Variants in DGKB observed in about 807,000 individuals in gnomAD.
DGKB encodes 90 kDa diacylglycerol kinase.
Under a neutral mutation model 114.3 loss-of-function variants are expected in DGKB, and 67 were observed. The observed-to-expected ratio is 0.59, with a 90% confidence interval of 0.48 to 0.72. The LOEUF is 0.72. Among genes scored for constraint, DGKB ranks in the 30% least tolerant of loss-of-function variants. DGKB has a pLI of 0.00. For synonymous variants in DGKB, 398 were observed against 323.1 expected (o/e 1.23, Z -2.49); for missense variants, 907 against 975.2 (o/e 0.93, Z 0.93).
chr7:14,310,242 T>C (rs1460011411), intron 23 of DGKB, among the ~76,000 whole-genome samples: 2 of 152,076 alleles, frequency 1.3e-5, no homozygotes, highest in Non-Finnish European at 2.9e-5. Context: ...GACATCAGTA[T>C]TGTTGAGAAG....
At chr7:14,763,365 T>G (rs9886266) in intron 2 of DGKB, among the ~76,000 whole-genome samples, 14,010 of 152,130 alleles carry the variant, frequency 0.092, 812 homozygotes, top group East Asian at 0.24. Context: ...CTATTAATTA[T>G]AGCTTGAATG....
upstream of DGKB, among the ~76,000 whole-genome samples, chr7:14,906,876 A>T (rs547542721): frequency 1.2e-3 from 190 of 152,368 alleles, no homozygotes; most frequent in Admixed American, 4.1e-3. Flanking sequence ...TGGGAAAAGA[A>T]ACAGTTCAAT....
chr7:14,842,450 G>A (rs1228209362), intron 1 of DGKB, among the ~76,000 whole-genome samples: 1 of 152,220 alleles, frequency 6.6e-6, no homozygotes, highest in South Asian at 2.1e-4. Flanking sequence ...ATATACAATG[G>A]GGAAATGATG....
intron 2 of DGKB, among the ~76,000 whole-genome samples, chr7:14,769,101 GAA>G (rs765794282): frequency 3.7e-4 from 39 of 104,050 alleles, no homozygotes; most frequent in East Asian, 8.8e-4. Context: ...AAGAAAGAAA[GAA>G]AGAAAGAAAG....
intron 17 of DGKB, among the ~76,000 whole-genome samples, chr7:14,595,342 T>A (rs963153339): frequency 1.3e-5 from 2 of 151,932 alleles, no homozygotes; most frequent in African/African-American, 4.8e-5. Context: ...ATAAAAACAG[T>A]GTGTAAATTC....
intron 23 of DGKB, among the ~76,000 whole-genome samples, chr7:14,234,246 G>A (rs183981797): frequency 8.0e-4 from 122 of 152,052 alleles, no homozygotes; most frequent in Non-Finnish European, 1.5e-3. Flanking sequence ...ACCCTTGTCC[G>A]TGCTAATTGA....
intron 13 of DGKB, among the ~76,000 whole-genome samples, chr7:14,647,554 T>G (rs1009158123): frequency 6.6e-6 from 1 of 152,170 alleles, no homozygotes; most frequent in Non-Finnish European, 1.5e-5. Context: ...CCAATATCCC[T>G]GATGAATATG....
chr7:14,882,875 T>C (rs1489460224), intron 1 of DGKB, among the ~76,000 whole-genome samples: 1 of 152,022 alleles, frequency 6.6e-6, no homozygotes, highest in Non-Finnish European at 1.5e-5. Flanking sequence ...ATTTATCTCA[T>C]CTGCTGATGG....
chr7:14,822,748 T>C (rs563266866), intron 2 of DGKB, among the ~76,000 whole-genome samples: 1 of 152,240 alleles, frequency 6.6e-6, no homozygotes, highest in African/African-American at 2.4e-5. Context: ...TTAGAGCTAG[T>C]GAGTTGATAG....
intron 1 of DGKB, among the ~76,000 whole-genome samples, chr7:14,950,040 A>G (rs545478445): frequency 1.3e-5 from 2 of 152,078 alleles, no homozygotes; most frequent in Admixed American, 1.3e-4. Flanking sequence ...AACATGGCAC[A>G]CGTATACATA....
chr7:14,963,800 T>C (rs1787000327), intron 1 of DGKB, among the ~76,000 whole-genome samples: 1 of 152,106 alleles, frequency 6.6e-6, no homozygotes, highest in Admixed American at 6.6e-5. Context: ...TTGTAGTAGG[T>C]GGGAGATTTG....
intron 20 of DGKB, among the ~76,000 whole-genome samples, chr7:14,504,989 C>T (rs1786802381): frequency 6.6e-6 from 1 of 152,132 alleles, no homozygotes; most frequent in African/African-American, 2.4e-5. Flanking sequence ...AAATCAACAC[C>T]TGTTGGGTCA....
chr7:14,532,020 G>T (rs1331730162), intron 20 of DGKB, among the ~76,000 whole-genome samples: 3 of 150,834 alleles, frequency 2.0e-5, no homozygotes, highest in African/African-American at 7.3e-5. Context: ...TACAAAAATT[G>T]CAATGAATCC....
At position 14,600,494 on chromosome 7, in the gene DGKB, T is replaced by C. The variant is rs1803347030; in HGVS notation, c.1433+6940A>G. Among the ~76,000 whole-genome samples, 3 of 152,146 alleles carry C rather than the reference T, an allele frequency of 2.0e-5. No homozygotes were observed. In the South Asian group the frequency reaches 6.2e-4, roughly 31 times the overall value. ...ACTAAAAAGTCTAAAGTCCAGAGTC[T>C]CCTCTAACCGTCATCTAAATAATAC... On this transcript the variant is annotated intron_variant, in intron 17 of 25. Coordinates refer to ENST00000402815, the MANE Select transcript of DGKB (RefSeq NM_001350709.2).
At chr7:14,432,409 G>GTAGCACTTTTCCACATGTCTT (rs1408241881) in intron 21 of DGKB, among the ~76,000 whole-genome samples, 1 of 152,152 alleles carries the variant, frequency 6.6e-6, no homozygotes, top group Non-Finnish European at 1.5e-5. Context: ...ATCCATGTCT[G>GTAGCACTTTTCCACATGTCTT]TAGCACTTTT....
At chr7:14,900,369 C>T (rs781026870) in intron 1 of DGKB, among the ~76,000 whole-genome samples, 13 of 152,246 alleles carry the variant, frequency 8.5e-5, no homozygotes, top group Non-Finnish European at 1.8e-4. Flanking sequence ...AGAGGTACTA[C>T]TCTTTAGAGA....
At chr7:14,561,147 C>A (rs569053328) in intron 20 of DGKB, among the ~76,000 whole-genome samples, 1 of 152,190 alleles carries the variant, frequency 6.6e-6, no homozygotes, top group South Asian at 2.1e-4. Flanking sequence ...GGGAGCAGGT[C>A]TTTCCCGTCC....
intron 2 of DGKB, among the ~76,000 whole-genome samples, chr7:14,828,757 G>C (rs1846033373): frequency 6.6e-6 from 1 of 152,078 alleles, no homozygotes; most frequent in East Asian, 1.9e-4. Context: ...ACAAATTCTG[G>C]ACAAAGACTC....
At chr7:14,950,123 A>T (rs532222504) in intron 1 of DGKB, among the ~76,000 whole-genome samples, 57 of 152,046 alleles carry the variant, frequency 3.7e-4, no homozygotes, top group Non-Finnish European at 7.7e-4. Flanking sequence ...AAGAAAAAAA[A>T]TGTTGGAAAG....
Sources: allele counts gnomAD v4.1 joint callset (sites outside exome capture counted in the v4.1 genomes callset), GRCh38; gene constraint gnomAD v4.1.1; transcripts MANE v1.5; gene names NCBI Gene and HGNC (gene_info 2026-07-23, HGNC 2026-07-21).